CCDC144A: variants seen among roughly 807,000 people sequenced by gnomAD.
CCDC144A encodes the protein coiled-coil domain-containing protein 144A.
In CCDC144A, 41 loss-of-function variants were observed where a neutral mutation model predicts 143.8. The observed-to-expected ratio is 0.29, with a 90% CI of 0.22 to 0.37. The LOEUF is 0.37. Among genes scored for constraint, CCDC144A ranks in the 10% least tolerant of loss-of-function variants. The pLI is 1.00. For missense variants in CCDC144A, 637 were observed against 1,488.8 expected, an observed-to-expected ratio of 0.43 and a Z score of 9.41; for synonymous variants, 242 against 517.9, an observed-to-expected ratio of 0.47 and a Z score of 7.23.
intron 12 of CCDC144A, among the ~76,000 whole-genome samples, chr17:16,752,251 G>T (rs559068238): frequency 7.2e-5 from 11 of 152,324 alleles, no homozygotes; most frequent in African/African-American, 2.4e-4. Flanking sequence ...GATCTAGGTT[G>T]CGTGCTCCTT....
chr17:16,741,168 C>G (rs1203922600), intron 12 of CCDC144A, among the ~76,000 whole-genome samples: 1 of 151,958 alleles, frequency 6.6e-6, no homozygotes, highest in Non-Finnish European at 1.5e-5. Flanking sequence ...TTATTTTTTC[C>G]TAACAAATTA....
chr17:16,687,927 G>C (rs1910841183), upstream of CCDC144A, among the ~76,000 whole-genome samples: 1 of 150,748 alleles, frequency 6.6e-6, no homozygotes, highest in African/African-American at 2.4e-5. Context: ...AACTACATTA[G>C]TTGAGTGTAG....
At chr17:16,722,603 T>C (rs1913156330) in intron 8 of CCDC144A, among the ~76,000 whole-genome samples, 1 of 152,160 alleles carries the variant, frequency 6.6e-6, no homozygotes, top group Admixed American at 6.5e-5. Context: ...TATAAGGACA[T>C]GTATTTATCA....
chr17:16,667,693 C>A, the CCDC144A span, among the ~76,000 whole-genome samples: 1 of 151,952 alleles, frequency 6.6e-6, no homozygotes, highest in Non-Finnish European at 1.5e-5. Flanking sequence ...GGATATTTTA[C>A]TGATATAACT....
At chr17:16,667,861 T>G in the CCDC144A span, among the ~76,000 whole-genome samples, 1 of 148,372 alleles carries the variant, frequency 6.7e-6, no homozygotes. Context: ...ATAATTTACT[T>G]TGAAATGTCT....
chr17:16,743,270 T>C (rs956955917), intron 12 of CCDC144A, among the ~76,000 whole-genome samples: 13 of 151,802 alleles, frequency 8.6e-5, no homozygotes, highest in Non-Finnish European at 1.5e-4. Flanking sequence ...TTGTATATGG[T>C]GAAAGATAGG....
At chr17:16,701,121 A>G (rs905822517) in intron 2 of CCDC144A, among the ~76,000 whole-genome samples, 1 of 152,112 alleles carries the variant, frequency 6.6e-6, no homozygotes, top group African/African-American at 2.4e-5. Context: ...GCAATTTTCA[A>G]GGTGACTCTG....
chr17:16,703,985 T>C (rs1911894110), intron 2 of CCDC144A, among the ~76,000 whole-genome samples: 1 of 152,210 alleles, frequency 6.6e-6, no homozygotes, highest in South Asian at 2.1e-4. Context: ...TTTGTATTAT[T>C]TGACGTCTTG....
Position 16,734,735 on chromosome 17 carries a change from T to C in CCDC144A, c.2464T>C (p.Cys822Arg). 3 of 1,593,638 alleles carry C rather than the reference T, an allele frequency of 1.9e-6. No homozygotes were observed. The highest frequency in any genetic ancestry group is 1.4e-5 in the African/African-American group (1 of 73,858). The change falls in exon 12 of 17, where the codon TGC becomes CGC. Residue 822 changes from cysteine to arginine, a missense_variant. By Grantham distance (180) the Cys-to-Arg change is radical (BLOSUM62 -3). Coordinates refer to ENST00000399273, the MANE Select transcript of CCDC144A (RefSeq NM_001382000.1). ...QKEKDLFHED[C>R]MLQEEIALLR... Reference sequence around the variant, plus strand: ...AGAAAAGGATCTCTTTCATGAAGATTGCATGTTGCAGGAAGAAATTGCCTT... The same window carrying C: ...AGAAAAGGATCTCTTTCATGAAGATCGCATGTTGCAGGAAGAAATTGCCTT...
chr17:16,694,184 G>A (rs1911265803), intron 2 of CCDC144A, among the ~76,000 whole-genome samples: 1 of 150,724 alleles, frequency 6.6e-6, no homozygotes, highest in African/African-American at 2.4e-5. Flanking sequence ...TTGTTCAAAG[G>A]CTAACTATAT....
At chr17:16,739,691 C>A (rs1358736322) in intron 12 of CCDC144A, among the ~76,000 whole-genome samples, 1 of 151,876 alleles carries the variant, frequency 6.6e-6, no homozygotes, top group African/African-American at 2.4e-5. Flanking sequence ...TTTTTTTACA[C>A]CCTTGTTGAA....
intron 8 of CCDC144A, among the ~76,000 whole-genome samples, chr17:16,723,182 T>C (rs1250773333): frequency 2.0e-5 from 3 of 152,126 alleles, no homozygotes; most frequent in African/African-American, 4.8e-5. Flanking sequence ...TTTATAGATA[T>C]AGGACAGTTC....
chr17:16,691,300 T>C (rs1911055602), intron 1 of CCDC144A, among the ~76,000 whole-genome samples: 1 of 152,212 alleles, frequency 6.6e-6, no homozygotes, highest in Non-Finnish European at 1.5e-5. Context: ...TTTTCATTGC[T>C]ACCAGATCTG....
intron 15 of CCDC144A, among the ~76,000 whole-genome samples, chr17:16,769,261 C>G (rs1915730919): frequency 6.6e-6 from 1 of 152,134 alleles, no homozygotes; most frequent in Non-Finnish European, 1.5e-5. Flanking sequence ...CCAAATTCAC[C>G]CATTAGGTAG....
chr17:16,704,582 A>G (rs963681955), intron 2 of CCDC144A, among the ~76,000 whole-genome samples: 2 of 151,966 alleles, frequency 1.3e-5, no homozygotes, highest in Admixed American at 6.6e-5. Flanking sequence ...GTGTGGTCCT[A>G]GACTAATCCT....
At chr17:16,758,163 T>C (rs2656401) in intron 12 of CCDC144A, among the ~76,000 whole-genome samples, 1 of 152,242 alleles carries the variant, frequency 6.6e-6, no homozygotes, top group African/African-American at 2.4e-5. Flanking sequence ...ACCTGCACAA[T>C]TGACCCTATA....
chr17:16,752,234 CG>C (rs1914830256), intron 12 of CCDC144A, among the ~76,000 whole-genome samples: 1 of 152,142 alleles, frequency 6.6e-6, no homozygotes, highest in Non-Finnish European at 1.5e-5. Flanking sequence ...GAACTGTGCA[CG>C]TGAGGGATCT....
intron 9 of CCDC144A, 30 bp downstream of exon 9, chr17:16,727,770 T>C (rs1251201306): frequency 1.9e-6 from 3 of 1,600,644 alleles, no homozygotes; most frequent in Non-Finnish European, 2.6e-6. Flanking sequence ...AAGAAATGTT[T>C]ATACTAAAGA....
chr17:16,746,085 A>T, intron 12 of CCDC144A: 1 of 1,605,562 alleles, frequency 6.2e-7, no homozygotes, highest in Non-Finnish European at 8.5e-7. Context: ...CGAGCCTTCC[A>T]CGGGCCTGGC....
Sources: allele counts gnomAD v4.1 joint callset (sites outside exome capture counted in the v4.1 genomes callset), GRCh38; gene constraint gnomAD v4.1.1; transcripts MANE v1.5; gene names NCBI Gene and HGNC (gene_info 2026-07-23, HGNC 2026-07-21).